Variants in ATP6V0A2 observed in about 807,000 individuals in gnomAD.
ATP6V0A2 encodes the protein V-type proton ATPase 116 kDa subunit a 2.
Under a neutral mutation model 104.4 loss-of-function variants are expected in ATP6V0A2, and 58 were observed. That is an observed-to-expected ratio of 0.56 (90% CI 0.45 to 0.69). The LOEUF is 0.69. ATP6V0A2 is among the 30% of genes least tolerant of loss of function. The probability of loss-of-function intolerance (pLI) is 0.00; values close to 1 mark genes in which losing one functional copy is unlikely to be tolerated. For synonymous variants in ATP6V0A2, 376 were observed against 397.9 expected, an observed-to-expected ratio of 0.95 and a Z score of 0.65; for missense variants, 938 against 1,062.9, an observed-to-expected ratio of 0.88 and a Z score of 1.63.
At chr12:123,757,028 A>G (rs1956771340) in intron 19 of ATP6V0A2, 42 bp downstream of exon 19, 1 of 1,609,210 alleles carries the variant, frequency 6.2e-7, no homozygotes. Flanking sequence ...TTTAAAAAAC[A>G]TACCCGCCCC....
rs1213143409 is a variant in ATP6V0A2 at position 123,759,116 on chromosome 12, A to C, written c.*1084A>C. ...ATTTAGTGACAGCTTGGCTGATGTC[A>C]CTGAACCAGAAGGGTTTATACTGAG... is the stretch of plus-strand genomic sequence containing the variant. On this transcript the variant is annotated 3_prime_UTR_variant, in exon 20 of 20. Coordinates refer to ENST00000330342, the MANE Select transcript of ATP6V0A2 (RefSeq NM_012463.4). The C allele has an allele frequency of 6.5e-6, 1 of 152,686 alleles. No individual in the cohort carries two copies. The highest frequency in any genetic ancestry group is 1.5e-5 in the Non-Finnish European group (1 of 68,048). 9.5% of individuals were successfully genotyped at this position (152,686 alleles called of 1,614,324 possible).
chr12:123,746,990 A>T (rs983952661), intron 13 of ATP6V0A2, among the ~76,000 whole-genome samples: 1 of 152,086 alleles, frequency 6.6e-6, no homozygotes, highest in Non-Finnish European at 1.5e-5. Flanking sequence ...CCTGAAGGGC[A>T]GGCTGTAGGA....
intron 5 of ATP6V0A2, 26 bp from the exon 6 acceptor site, chr12:123,727,757 T>A (rs1353137611): frequency 9.3e-6 from 15 of 1,613,680 alleles, no homozygotes; most frequent in Non-Finnish European, 1.3e-5. Context: ...TTCAGTTGAC[T>A]ACAGGTTGAC....
In ATP6V0A2 at chr12:123,727,856, T is replaced by C; in HGVS notation, c.595T>C (p.Tyr199His). 1 of 1,614,202 alleles carries C rather than the reference T, an allele frequency of 6.2e-7. No individual in the cohort carries two copies. The highest frequency in any genetic ancestry group is 8.5e-7 in the Non-Finnish European group (1 of 1,180,026). The stretch of plus-strand genomic sequence containing the variant: ...AATGTTGTGGAGAGTCTGCAAAGGG[T>C]ACACCATCGTGTCCTATGCAGAACT... ...EKMLWRVCKG[Y>H]TIVSYAELDE... The change falls in exon 6 of 20, where the codon TAC becomes CAC. Residue 199 changes from tyrosine (Y) to histidine (H), a missense_variant. Tyr to His is a moderately conservative substitution (Grantham distance 83). Transcript: ENST00000330342.
intron 16 of ATP6V0A2, among the ~76,000 whole-genome samples, chr12:123,751,886 AGTCTTC>A (rs1956718790): frequency 9.4e-6 from 1 of 106,018 alleles, no homozygotes; most frequent in Non-Finnish European, 1.8e-5. Flanking sequence ...TTGAGACTGG[AGTCTTC>A]GTCTGTTGCC....
chr12:123,746,492 A>G (rs1258811943), intron 13 of ATP6V0A2, among the ~76,000 whole-genome samples: 1 of 151,862 alleles, frequency 6.6e-6, no homozygotes, highest in Non-Finnish European at 1.5e-5. Flanking sequence ...AAATTTTAAA[A>G]TTAGCTGGGA....
intron 13 of ATP6V0A2, among the ~76,000 whole-genome samples, chr12:123,745,679 C>G (rs1417522506): frequency 6.6e-6 from 1 of 150,992 alleles, no homozygotes; most frequent in Non-Finnish European, 1.5e-5. Flanking sequence ...GCACTCCAGC[C>G]TGGGCAACGG....
At chr12:123,720,867 T>TA (rs879376141) in intron 2 of ATP6V0A2, among the ~76,000 whole-genome samples, 47 of 147,280 alleles carry the variant, frequency 3.2e-4, no homozygotes, top group South Asian at 6.4e-4. Context: ...CCCTGTCTCT[T>TA]AAAAAAAAAA....
At chr12:123,741,658 C>G (rs1284777773) in intron 9 of ATP6V0A2, among the ~76,000 whole-genome samples, 1 of 151,928 alleles carries the variant, frequency 6.6e-6, no homozygotes, top group African/African-American at 2.4e-5. Context: ...GAGATGGGGT[C>G]TCTACAAAAG....
At chr12:123,728,600 C>A in intron 6 of ATP6V0A2, among the ~76,000 whole-genome samples, 1 of 152,088 alleles carries the variant, frequency 6.6e-6, no homozygotes, top group East Asian at 1.9e-4. Flanking sequence ...GCTTTTGTGA[C>A]CTTGACATTT....
At chr12:123,754,386 T>C (rs1315443010) in intron 17 of ATP6V0A2, 34 bp from the exon 18 acceptor site, 2 of 1,483,028 alleles carry the variant, frequency 1.3e-6, no homozygotes, top group Non-Finnish European at 1.9e-6. Flanking sequence ...TGTAACATCA[T>C]GACTCTTAAC....
At chr12:123,751,974 C>T (rs1303543629) in intron 16 of ATP6V0A2, among the ~76,000 whole-genome samples, 1 of 150,710 alleles carries the variant, frequency 6.6e-6, no homozygotes, top group Non-Finnish European at 1.5e-5. Flanking sequence ...AATTCTCTTG[C>T]CTCAGCCCTC....
chr12:123,744,081 C>T lies in ATP6V0A2; in HGVS notation c.1190-120C>T. 1 of 1,543,792 alleles carries T rather than the reference C, an allele frequency of 6.5e-7. No homozygotes were observed. Among genetic ancestry groups the T allele is most frequent in the Non-Finnish European group, 8.9e-7 (1 of 1,118,190 alleles). On this transcript the variant is annotated intron_variant, in intron 10 of 19. Transcript: ENST00000330342. The surrounding 1 kb of genome is among the most constrained non-coding windows in gnomAD (Gnocchi z 5.4). The stretch of plus-strand genomic sequence containing the variant: ...AAGTATAAGGTTTTAAATGTAACCA[C>T]ACAATCCTATCTTGTGAATTCTGGA...
In ATP6V0A2 at chr12:123,757,911, C is replaced by CT. The variant is rs370511382; in HGVS notation, c.2466-3dup. 79,794 of 1,200,858 alleles carry CT rather than the reference C, an allele frequency of 0.066. 13 individuals are homozygous for CT. The highest frequency in any genetic ancestry group is 0.075 in the Non-Finnish European group (64,559 of 860,762). The allele number at this position is 1,200,858 out of a possible 1,614,324, so 74.4% of individuals were successfully genotyped here. A position where few individuals can be genotyped will look rare whatever the true frequency, so the allele number is the denominator to read the frequency against. On this transcript the variant is annotated splice_polypyrimidine_tract_variant and intron_variant, in intron 19 of 19. Coordinates refer to ENST00000330342, the MANE Select transcript of ATP6V0A2 (RefSeq NM_012463.4). ...TTCATAATCTTCCATTAATACATGG[C>CT]TTTTTTTTTTTTTAGGGTAGAATTT...
At position 123,739,264 on chromosome 12, in the gene ATP6V0A2, G is replaced by A. The variant is rs150283878; in HGVS notation, c.1038+1993G>A. Among the ~76,000 whole-genome samples the A allele has an allele frequency of 6.3e-3, 952 of 152,312 alleles. 11 individuals are homozygous for A. The highest frequency in any genetic ancestry group is 0.021 in the African/African-American group (872 of 41,556). ...GCACCGACTCTTCGTTTCCCGTCAA[G>A]GGTACTGAGCTCTCAGCCCACCTCT... On this transcript the variant is annotated intron_variant, in intron 9 of 19. Transcript: ENST00000330342.
chr12:123,744,188 C>CT lies in ATP6V0A2; in HGVS notation c.1190-7dup, dbSNP rs763934108. The CT allele has an allele frequency of 2.5e-6, 4 of 1,614,046 alleles. No individual in the cohort carries two copies. The Admixed American group carries it at 6.7e-5, about 27-fold the overall frequency. ...TGCTGTGAATCAGAAATCTCTTTCC[C>CT]TTTTTTCTGCAGCTCTCTTTACCAT... On this transcript the variant is annotated splice_polypyrimidine_tract_variant and intron_variant, in intron 10 of 19. Transcript: ENST00000330342. This position sits in a 1 kb window ranked among gnomAD's most constrained non-coding sequence, Gnocchi z 5.4.
At chr12:123,749,654 C>T (rs916522659) in intron 15 of ATP6V0A2, among the ~76,000 whole-genome samples, 2 of 152,252 alleles carry the variant, frequency 1.3e-5, no homozygotes, top group African/African-American at 4.8e-5. Context: ...CAGTAAATGT[C>T]AGCATTTGCC....
chr12:123,729,727 T>A (rs1956483013), intron 6 of ATP6V0A2, among the ~76,000 whole-genome samples: 1 of 152,250 alleles, frequency 6.6e-6, no homozygotes, highest in South Asian at 2.1e-4. Flanking sequence ...TTTTCTAGGT[T>A]GGCCTCAGGA....
At position 123,743,797 on chromosome 12, in the gene ATP6V0A2, GCTACAATCC is replaced by G; in HGVS notation, c.1053_1061del (p.Thr352_Pro354del). On this transcript the variant is annotated inframe_deletion, in exon 10 of 20. Coordinates refer to ENST00000330342, the MANE Select transcript of ATP6V0A2 (RefSeq NM_012463.4). ...GTTTATGTGGAAGAGAGAGAGTGGT[GCTACAATCC>G]CCTCATTCATGAATATAATCCCCAC... The G allele has an allele frequency of 1.2e-6, 2 of 1,614,112 alleles. No homozygotes were observed. Among genetic ancestry groups the G allele is most frequent in the Non-Finnish European group, 1.7e-6 (2 of 1,179,996 alleles).
Sources: allele counts gnomAD v4.1 joint callset (sites outside exome capture counted in the v4.1 genomes callset), GRCh38; gene constraint gnomAD v4.1.1; non-coding constraint Gnocchi (gnomAD v3.1); transcripts MANE v1.5; gene names NCBI Gene and HGNC (gene_info 2026-07-23, HGNC 2026-07-21).